The following AOPEP variants were observed in gnomAD, a reference collection of about 807,000 sequenced individuals.
AOPEP encodes the protein aminopeptidase O (putative), also known as aminopeptidase O.
Under a neutral mutation model 98.1 loss-of-function variants are expected in AOPEP, and 77 were observed. The ratio of observed to expected loss-of-function variants is 0.78; its 90% confidence interval spans 0.65 to 0.95. The LOEUF is 0.95. AOPEP is among the 40% of genes least tolerant of loss of function. The pLI, the probability that AOPEP is intolerant of heterozygous loss-of-function variation, is 0.00. For missense variants in AOPEP, 1,024 were observed against 1,024.7 expected (o/e 1.00, Z 0.01); for synonymous variants, 346 against 365.3 (o/e 0.95, Z 0.60).
intron 1 of AOPEP, among the ~76,000 whole-genome samples, chr9:94,745,564 C>T (rs920847250): frequency 1.1e-4 from 17 of 152,148 alleles, no homozygotes; most frequent in African/African-American, 4.1e-4. Flanking sequence ...CGTGAGCCAC[C>T]GTGCCCGGCA....
chr9:94,880,227 CAG>C (rs2047408846), intron 5 of AOPEP, among the ~76,000 whole-genome samples: 1 of 152,156 alleles, frequency 6.6e-6, no homozygotes, highest in African/African-American at 2.4e-5. Flanking sequence ...GTGATGATAA[CAG>C]TGTTAACAGG....
chr9:95,111,650 C>CA, the AOPEP span: 2 of 1,614,114 alleles, frequency 1.2e-6, no homozygotes. Flanking sequence ...GGAACAGAGG[C>CA]AGAACACATG....
chr9:95,080,729 C>T lies in AOPEP; in HGVS notation c.2268C>T (p.His756=). The change falls in exon 15 of 17, where the codon CAC becomes CAT. Residue 756 remains histidine, a synonymous_variant. Coordinates refer to ENST00000375315, the MANE Select transcript of AOPEP (RefSeq NM_001193329.3). ...RHRWCELIVK[H]KFTKAYKSVE... ...GGTGGTGTGAACTCATTGTTAAGCA[C>T]AAGTTCACGAAAGCCTACAAAAGTG... 6.2e-7 allele frequency: 1 copy of T among 1,613,996 alleles called. No individual in the cohort carries two copies.
intron 3 of AOPEP, among the ~76,000 whole-genome samples, chr9:94,785,547 C>T (rs1844247285): frequency 6.6e-6 from 1 of 152,152 alleles, no homozygotes; most frequent in Non-Finnish European, 1.5e-5. Flanking sequence ...AGAATCTGCC[C>T]AGAAAGAAGG....
rs2060119226 is a variant in AOPEP, at chr9:94,980,518, C to T, written c.1977+1091C>T. ...GGGCTGTTCTCCATTACCTTTTCAT[C>T]CCCCTCCTCACATCTTTGTCCATTT... is the stretch of plus-strand genomic sequence containing the variant. On this transcript the variant is annotated intron_variant, in intron 11 of 16. Coordinates refer to ENST00000375315, the MANE Select transcript of AOPEP (RefSeq NM_001193329.3). The surrounding 1 kb of genome is among the most constrained non-coding windows in gnomAD (Gnocchi z 4.3). Among the ~76,000 whole-genome samples, 1 of 152,186 alleles carries T rather than the reference C, an allele frequency of 6.6e-6. No individual in the cohort carries two copies. Among genetic ancestry groups the T allele is most frequent in the Non-Finnish European group, 1.5e-5 (1 of 68,034 alleles).
At chr9:95,090,266 T>C (rs1430711315), downstream of AOPEP, among the ~76,000 whole-genome samples, 1 of 152,190 alleles carries the variant, frequency 6.6e-6, no homozygotes, top group Non-Finnish European at 1.5e-5. Flanking sequence ...AGCAAGTTAA[T>C]GGGTTAATTG....
intron 13 of AOPEP, among the ~76,000 whole-genome samples, chr9:95,051,709 T>C (rs1371669618): frequency 2.0e-5 from 3 of 151,652 alleles, no homozygotes; most frequent in Non-Finnish European, 4.4e-5. Flanking sequence ...TATGAAACTT[T>C]TTTTTTTTTT....
chr9:94,965,415 C>T (rs761165489), intron 9 of AOPEP, among the ~76,000 whole-genome samples: 7 of 152,130 alleles, frequency 4.6e-5, no homozygotes, highest in East Asian at 3.8e-4. Context: ...ACTTTGTCTC[C>T]GGAAGAAATG....
intron 14 of AOPEP, among the ~76,000 whole-genome samples, chr9:95,068,860 A>G (rs144728243): frequency 2.0e-5 from 3 of 152,296 alleles, no homozygotes; most frequent in African/African-American, 7.2e-5. Context: ...TTCATGGAGT[A>G]AAACGTGATA....
At chr9:94,735,924 C>T (rs1182190803) in intron 1 of AOPEP, among the ~76,000 whole-genome samples, 1 of 152,092 alleles carries the variant, frequency 6.6e-6, no homozygotes, top group Admixed American at 6.5e-5. Context: ...AATATGTGGC[C>T]CTTCGTATCT....
At chr9:95,119,900 AG>A in the AOPEP span, among the ~76,000 whole-genome samples, 1 of 152,108 alleles carries the variant, frequency 6.6e-6, no homozygotes, top group South Asian at 2.1e-4. Flanking sequence ...TTTGTAGAAA[AG>A]GGGTCTTACT....
At chr9:95,088,302 C>T (rs761906676), downstream of AOPEP, among the ~76,000 whole-genome samples, 6 of 152,098 alleles carry the variant, frequency 3.9e-5, no homozygotes, top group Non-Finnish European at 5.9e-5. Context: ...CTCCGCCTCC[C>T]GGGTTCAAGC....
At chr9:94,774,534 T>C (rs1390175902) in intron 3 of AOPEP, among the ~76,000 whole-genome samples, 1 of 152,150 alleles carries the variant, frequency 6.6e-6, no homozygotes, top group Non-Finnish European at 1.5e-5. Context: ...TTTTCACTTA[T>C]AGTGTATCTT....
the AOPEP span, among the ~76,000 whole-genome samples, chr9:95,116,601 C>T: frequency 2.6e-5 from 4 of 152,218 alleles, no homozygotes; most frequent in African/African-American, 9.6e-5. Flanking sequence ...CCCTTTCTGG[C>T]TGGCGCAGTC....
Position 95,071,114 on chromosome 9 carries a change from T to C in AOPEP, c.2233-9580T>C, listed in dbSNP as rs75983848. Among the ~76,000 whole-genome samples the C allele has an allele frequency of 1.8e-4, 28 of 152,218 alleles. No homozygotes were observed. The East Asian group carries it at 5.4e-3, about 29-fold the overall frequency. On this transcript the variant is annotated intron_variant, in intron 14 of 16. Transcript: ENST00000375315. ...GGAAAAACCCAAAGTAATATACAGGTCAAGTCTTCCTTATCCAAGATGCTT... is the reference window on the plus strand; with the variant it reads ...GGAAAAACCCAAAGTAATATACAGGCCAAGTCTTCCTTATCCAAGATGCTT...
At chr9:95,044,881 C>T (rs997426571) in intron 13 of AOPEP, among the ~76,000 whole-genome samples, 2 of 152,146 alleles carry the variant, frequency 1.3e-5, no homozygotes, top group African/African-American at 4.8e-5. Flanking sequence ...TACTTGGCAC[C>T]TGTAGTTTAC....
At chr9:94,981,744 C>T (rs1012993381) in intron 11 of AOPEP, among the ~76,000 whole-genome samples, 5 of 152,092 alleles carry the variant, frequency 3.3e-5, no homozygotes, top group Non-Finnish European at 7.3e-5. Context: ...GGATGCTTGC[C>T]CTGGAATGAC....
intron 14 of AOPEP, among the ~76,000 whole-genome samples, chr9:95,071,294 A>G (rs907286100): frequency 1.7e-5 from 1 of 58,338 alleles, no homozygotes; most frequent in Admixed American, 2.3e-4. Context: ...CCCCCGCCCC[A>G]CACACACACA....
chr9:94,984,116 C>G (rs1157726374), intron 11 of AOPEP, among the ~76,000 whole-genome samples: 1 of 151,704 alleles, frequency 6.6e-6, no homozygotes, highest in Non-Finnish European at 1.5e-5. Context: ...TCACTGCAAG[C>G]TCCACCTCCC....
Sources: gnomAD v4.1 joint callset for allele counts (sites outside exome capture counted in the v4.1 genomes callset) on GRCh38, gnomAD v4.1.1 for gene constraint, Gnocchi (gnomAD v3.1) non-coding constraint, MANE v1.5 for transcripts, NCBI Gene and HGNC (gene_info 2026-07-23, HGNC 2026-07-21) for gene names.